TACC3: variants seen among roughly 807,000 people sequenced by gnomAD.
TACC3 encodes transforming acidic coiled-coil-containing protein 3.
A neutral mutation model predicts 86.0 loss-of-function variants in TACC3; 52 were observed. That is an observed-to-expected ratio of 0.60 (90% CI 0.48 to 0.76). TACC3 has a LOEUF of 0.76. Among genes scored for constraint, TACC3 ranks in the 30% least tolerant of loss-of-function variants. The pLI is 0.00. For synonymous variants in TACC3, 512 were observed against 430.0 expected (o/e 1.19, Z -2.36); for missense variants, 1,120 against 1,070.4 (o/e 1.05, Z -0.65).
intron 1 of TACC3, among the ~76,000 whole-genome samples, chr4:1,722,441 C>G (rs1263193110): frequency 6.6e-6 from 1 of 152,176 alleles, no homozygotes; most frequent in Non-Finnish European, 1.5e-5. Flanking sequence ...GGTCTGGCAT[C>G]TACTCCTTGG....
intron 3 of TACC3, among the ~76,000 whole-genome samples, chr4:1,725,767 AGGT>A (rs1166938818): frequency 6.6e-6 from 1 of 152,242 alleles, no homozygotes. Context: ...GCTGAGGCCC[AGGT>A]GGTGGTCACT....
At chr4:1,743,497 G>A (rs1454279902) in intron 13 of TACC3, among the ~76,000 whole-genome samples, 1 of 152,050 alleles carries the variant, frequency 6.6e-6, no homozygotes, top group Non-Finnish European at 1.5e-5. Context: ...AGGTTGCAGT[G>A]AGCCGAGATC....
Position 1,728,694 on chromosome 4 carries a change from C to A in TACC3, c.1292C>A (p.Pro431His). ...DTKSGCSEAQ[P>H]PESPETRLGQ... is the part of the protein sequence containing the mutation. ...AAGTCTGGTTGCAGTGAGGCCCAGC[C>A]CCCAGAAAGCCCTGAGACCAGGCTG... The change falls in exon 4 of 16, where the codon CCC (proline) becomes CAC (histidine). Residue 431 changes from proline (P) to histidine (H), a missense_variant. Physicochemically the swap from Pro to His is moderately conservative, Grantham distance 77 (BLOSUM62 -2). Transcript: ENST00000313288. 1.2e-6 allele frequency: 2 copies of A among 1,613,662 alleles called. No homozygotes were observed. Among genetic ancestry groups the A allele is most frequent in the East Asian group, 2.2e-5 (1 of 44,880 alleles).
At chr4:1,739,808 G>GTCCCCA (rs2108715087) in intron 11 of TACC3, 30 bp downstream of exon 11, 2 of 695,152 alleles carry the variant, frequency 2.9e-6, no homozygotes, top group East Asian at 6.8e-5. Flanking sequence ...TGTCCTCCCC[G>GTCCCCA]TCCCCATCCC....
chr4:1,723,902 C>A, intron 3 of TACC3, 32 bp downstream of exon 3: 1 of 1,609,176 alleles, frequency 6.2e-7, no homozygotes, highest in Non-Finnish European at 8.5e-7. Flanking sequence ...CATGCTGGAG[C>A]TTCACCCTCT....
intron 6 of TACC3, among the ~76,000 whole-genome samples, chr4:1,734,157 C>T (rs78386926): frequency 0.018 from 2,682 of 152,252 alleles, 74 homozygotes; most frequent in African/African-American, 0.061. Flanking sequence ...TGGATCTCAG[C>T]CAGATCAAGA....
Position 1,728,037 on chromosome 4 carries a change from A to C in TACC3, c.635A>C (p.His212Pro), listed in dbSNP as rs1560298483. 4.3e-6 allele frequency: 7 copies of C among 1,612,932 alleles called. No homozygotes were observed. The highest frequency in any genetic ancestry group is 5.9e-6 in the Non-Finnish European group (7 of 1,179,996). The change falls in exon 4 of 16, where the codon CAC becomes CCC. Residue 212 changes from histidine (H) to proline (P), a missense_variant. Coordinates refer to ENST00000313288, the MANE Select transcript of TACC3 (RefSeq NM_006342.3). ...LEDPCRTESQ[H>P]KAETPHGAEE... ...GACCCTTGCAGGACAGAGTCCCAGCACAAAGCGGAGACTCCGCACGGAGCC... is the reference window on the plus strand; with the variant it reads ...GACCCTTGCAGGACAGAGTCCCAGCCCAAAGCGGAGACTCCGCACGGAGCC...
At chr4:1,732,083 T>A (rs979715425) in intron 6 of TACC3, among the ~76,000 whole-genome samples, 1 of 151,086 alleles carries the variant, frequency 6.6e-6, no homozygotes, top group African/African-American at 2.4e-5. Context: ...GTCTGTAAGA[T>A]TGGAGGCTGC....
In TACC3 at chr4:1,744,621, A is replaced by G; in HGVS notation, c.2327A>G (p.Gln776Arg). The change falls in exon 14 of 16, where the codon CAG becomes CGG. Residue 776 changes from glutamine to arginine, a missense_variant. By Grantham distance (43) the Gln-to-Arg change is conservative (BLOSUM62 1). Coordinates refer to ENST00000313288, the MANE Select transcript of TACC3 (RefSeq NM_006342.3). ...ALKAHAEEKL[Q>R]LANEEIAQVR... ...AAGGCCCACGCGGAGGAGAAGCTGCAGCTGTGAGTGCTGGGCGAGGCCCCA... is the reference window on the plus strand; with the variant it reads ...AAGGCCCACGCGGAGGAGAAGCTGCGGCTGTGAGTGCTGGGCGAGGCCCCA... The G allele has an allele frequency of 6.2e-7, 1 of 1,613,028 alleles. No homozygotes were observed. The highest frequency in any genetic ancestry group is 1.3e-5 in the African/African-American group (1 of 75,068).
Position 1,728,237 on chromosome 4 carries a change from G to A in TACC3, c.835G>A (p.Val279Met). The part of the protein sequence containing the change: ...PGEALGCPAG[V>M]GTPVPADGTQ... Reference sequence around the variant, plus strand: ...CGAAGCCCTGGGCTGCCCTGCGGGTGTGGGCACCCCCGTGCCAGCAGATGG... The same window carrying A: ...CGAAGCCCTGGGCTGCCCTGCGGGTATGGGCACCCCCGTGCCAGCAGATGG... The change falls in exon 4 of 16, where the codon GTG becomes ATG. Residue 279 changes from valine (V) to methionine (M), a missense_variant. Physicochemically the swap from Val to Met is conservative, Grantham distance 21 (BLOSUM62 1). Coordinates refer to ENST00000313288, the MANE Select transcript of TACC3 (RefSeq NM_006342.3). 6.2e-7 allele frequency: 1 copy of A among 1,612,406 alleles called. No individual in the cohort carries two copies. The highest frequency in any genetic ancestry group is 8.5e-7 in the Non-Finnish European group (1 of 1,179,872).
At chr4:1,732,269 G>T (rs1378650254) in intron 6 of TACC3, among the ~76,000 whole-genome samples, 1 of 151,882 alleles carries the variant, frequency 6.6e-6, no homozygotes, top group Admixed American at 6.6e-5. Context: ...CGGTTTGTCC[G>T]TAAGATTGGA....
chr4:1,735,830 A>G lies in TACC3; in HGVS notation c.1744A>G (p.Ser582Gly). Reference protein sequence around the residue: ...GRPVPVATETSSMHGANETPS... With the variant: ...GRPVPVATETGSMHGANETPS... ...ACCAGTGCCCGTGGCCACCGAGACC[A>G]GCAGGTATGTGCGCCGGCCCTCCCT... The change falls in exon 8 of 16, where the codon AGC (serine) becomes GGC (glycine). Residue 582 changes from serine (S) to glycine (G), a missense_variant. Ser to Gly is a moderately conservative substitution (Grantham distance 56, BLOSUM62 0). Coordinates refer to ENST00000313288, the MANE Select transcript of TACC3 (RefSeq NM_006342.3). This position sits in a 1 kb window ranked among gnomAD's most constrained non-coding sequence, Gnocchi z 4.2. The G allele has an allele frequency of 1.3e-6, 2 of 1,592,018 alleles. No homozygotes were observed. The highest frequency in any genetic ancestry group is 1.7e-6 in the Non-Finnish European group (2 of 1,165,146).
Position 1,735,184 on chromosome 4 carries a change from G to C in TACC3, c.1592-89G>C. The C allele has an allele frequency of 6.6e-7, 1 of 1,523,088 alleles. No homozygotes were observed. Among genetic ancestry groups the C allele is most frequent in the Non-Finnish European group, 9.1e-7 (1 of 1,101,792 alleles). 94.3% of individuals were successfully genotyped at this position (1,523,088 alleles called of 1,614,324 possible). On this transcript the variant is annotated intron_variant, in intron 6 of 15. Coordinates refer to ENST00000313288, the MANE Select transcript of TACC3 (RefSeq NM_006342.3). The surrounding 1 kb of genome is among the most constrained non-coding windows in gnomAD (Gnocchi z 4.2). The stretch of plus-strand genomic sequence containing the variant: ...AAATACTGCTGGCTGGAATGATCCT[G>C]CCTCACTGAGTGCTGAGGGAGACAC...
In TACC3 at chr4:1,732,023, G is replaced by C. The variant is rs538563026; in HGVS notation, c.1591+722G>C. 3.9e-5 allele frequency among the ~76,000 whole-genome samples: 6 copies of C among 152,374 alleles called. No homozygotes were observed. The South Asian group carries it at 1.0e-3, about 26-fold the overall frequency. On this transcript the variant is annotated intron_variant, in intron 6 of 15. Coordinates refer to ENST00000313288, the MANE Select transcript of TACC3 (RefSeq NM_006342.3). ...TTTGTCCGTAAGACTGGAGGCTGCA[G>C]TTGAATACGGTTTGTCCATAAGATT...
chr4:1,736,804 G>A (rs969889206), intron 8 of TACC3, among the ~76,000 whole-genome samples: 2 of 152,182 alleles, frequency 1.3e-5, no homozygotes, highest in African/African-American at 2.4e-5. Context: ...CAGCTACTTG[G>A]GTTGCTGAAG....
At chr4:1,721,256 C>T (rs891027290), upstream of TACC3, 11 of 157,804 alleles carry the variant, frequency 7.0e-5, no homozygotes, top group African/African-American at 2.6e-4. Flanking sequence ...GAAGCCCCGC[C>T]CAGTAGCGTC....
chr4:1,726,855 G>A (rs1392296819), intron 3 of TACC3, among the ~76,000 whole-genome samples: 1 of 152,168 alleles, frequency 6.6e-6, no homozygotes, highest in Non-Finnish European at 1.5e-5. Context: ...GATGCCGGGT[G>A]CGGTGGCTCC....
At position 1,745,076 on chromosome 4, in the gene TACC3, A is replaced by AG; in HGVS notation, c.*65dup. On this transcript the variant is annotated 3_prime_UTR_variant, in exon 16 of 16. Coordinates refer to ENST00000313288, the MANE Select transcript of TACC3 (RefSeq NM_006342.3). ...TCTGTCTGTCCTGTCTGATTCTCTTAGGTGTCATGTTCTTTTTTCTGTCTT... is the reference window on the plus strand; with the variant it reads ...TCTGTCTGTCCTGTCTGATTCTCTTAGGGTGTCATGTTCTTTTTTCTGTCTT... The AG allele has an allele frequency of 6.7e-7, 1 of 1,499,866 alleles. No individual in the cohort carries two copies. The highest frequency in any genetic ancestry group is 2.1e-5 in the Admixed American group (1 of 47,286). The allele number at this position is 1,499,866 out of a possible 1,614,324, so 92.9% of individuals were successfully genotyped here. A position where few individuals can be genotyped will look rare whatever the true frequency, so the allele number is the denominator to read the frequency against.
chr4:1,737,500 G>C, intron 9 of TACC3, 98 bp from the exon 10 acceptor site: 1 of 1,161,214 alleles, frequency 8.6e-7, no homozygotes. Flanking sequence ...TGCACTGTCT[G>C]AGGCTCTTGG....
Sources: gnomAD v4.1 joint callset for allele counts (sites outside exome capture counted in the v4.1 genomes callset) on GRCh38, gnomAD v4.1.1 for gene constraint, Gnocchi (gnomAD v3.1) non-coding constraint, MANE v1.5 for transcripts, NCBI Gene and HGNC (gene_info 2026-07-23, HGNC 2026-07-21) for gene names.